The following CNTN4 variants were observed in gnomAD, a reference collection of about 807,000 sequenced individuals.
The protein encoded by CNTN4 is contactin 4, also known as contactin-4.
In CNTN4, 77 loss-of-function variants were observed where a neutral mutation model predicts 122.5. The ratio of observed to expected loss-of-function variants is 0.63; its 90% CI spans 0.52 to 0.76. The LOEUF (loss-of-function observed/expected upper bound fraction) is 0.76. CNTN4 is among the 30% of genes least tolerant of loss of function. CNTN4 has a pLI of 0.00. For synonymous variants in CNTN4, 512 were observed against 447.0 expected (o/e 1.15, Z -1.83); for missense variants, 1,256 against 1,259.1 (o/e 1.00, Z 0.04).
intron 3 of CNTN4, among the ~76,000 whole-genome samples, chr3:2,440,540 A>G (rs1037594011): frequency 6.6e-6 from 1 of 152,134 alleles, no homozygotes; most frequent in Admixed American, 6.6e-5. Context: ...GTTGTGCTAA[A>G]GCTTCCAACT....
chr3:2,280,910 A>G (rs1403417998), intron 2 of CNTN4, among the ~76,000 whole-genome samples: 2 of 152,190 alleles, frequency 1.3e-5, no homozygotes, highest in Non-Finnish European at 2.9e-5. Context: ...TCAACCTCCA[A>G]CAGAGCCTTG....
At chr3:2,504,942 C>T (rs551084845) in intron 3 of CNTN4, among the ~76,000 whole-genome samples, 2 of 152,092 alleles carry the variant, frequency 1.3e-5, no homozygotes, top group African/African-American at 2.4e-5. Flanking sequence ...ACTGTGTGAT[C>T]CTTGATTAGA....
chr3:2,373,958 G>T (rs2045726055), intron 3 of CNTN4, among the ~76,000 whole-genome samples: 2 of 152,056 alleles, frequency 1.3e-5, no homozygotes, highest in Non-Finnish European at 2.9e-5. Context: ...CATCTTTTTT[G>T]GGGGGTTCCT....
intron 3 of CNTN4, among the ~76,000 whole-genome samples, chr3:2,486,297 G>A (rs984796736): frequency 2.0e-5 from 3 of 152,238 alleles, no homozygotes; most frequent in South Asian, 4.1e-4. Context: ...CTCACCCACC[G>A]TAAGGGTCCG....
intron 3 of CNTN4, among the ~76,000 whole-genome samples, chr3:2,546,704 T>C (rs2078260698): frequency 6.6e-6 from 1 of 151,960 alleles, no homozygotes; most frequent in Admixed American, 6.6e-5. Context: ...AAGAGACAAA[T>C]ATCAGTTCAA....
At chr3:2,458,810 C>G (rs1377577462) in intron 3 of CNTN4, among the ~76,000 whole-genome samples, 3 of 152,124 alleles carry the variant, frequency 2.0e-5, no homozygotes, top group Admixed American at 6.6e-5. Flanking sequence ...CAGTGGAGCT[C>G]ATAAATTTCT....
At chr3:2,866,688 C>T in intron 7 of CNTN4, 64 bp from the exon 8 acceptor site, 1 of 1,457,406 alleles carries the variant, frequency 6.9e-7, no homozygotes, top group Non-Finnish European at 9.6e-7. Context: ...TCATTTCTTT[C>T]ATGAAAACAG....
At chr3:2,341,177 C>G (rs1465266206) in intron 3 of CNTN4, among the ~76,000 whole-genome samples, 2 of 152,100 alleles carry the variant, frequency 1.3e-5, no homozygotes, top group African/African-American at 4.8e-5. Flanking sequence ...AAATGTATTT[C>G]CTTTATGAAT....
At chr3:2,697,498 G>T (rs887534472) in intron 4 of CNTN4, among the ~76,000 whole-genome samples, 1 of 152,150 alleles carries the variant, frequency 6.6e-6, no homozygotes, top group African/African-American at 2.4e-5. Flanking sequence ...TACCATGTTT[G>T]TGGTGGCAGA....
At chr3:2,838,817 C>T (rs1189907843) in intron 7 of CNTN4, among the ~76,000 whole-genome samples, 1 of 152,188 alleles carries the variant, frequency 6.6e-6, no homozygotes, top group African/African-American at 2.4e-5. Context: ...ATGACTTTCT[C>T]CATTAATAAT....
chr3:2,238,648 G>A (rs2039775848), intron 2 of CNTN4, among the ~76,000 whole-genome samples: 1 of 149,820 alleles, frequency 6.7e-6, no homozygotes, highest in African/African-American at 2.4e-5. Flanking sequence ...AAATCCGAAT[G>A]TTGCCAAACT....
chr3:2,627,363 A>G (rs1053853567), intron 4 of CNTN4, among the ~76,000 whole-genome samples: 2 of 152,088 alleles, frequency 1.3e-5, no homozygotes, highest in Non-Finnish European at 1.5e-5. Context: ...ATCTGATTTC[A>G]TGAAGCTGCC....
intron 2 of CNTN4, among the ~76,000 whole-genome samples, chr3:2,166,261 A>G (rs2036190028): frequency 6.6e-6 from 1 of 152,136 alleles, no homozygotes; most frequent in African/African-American, 2.4e-5. Flanking sequence ...AATCAAAACC[A>G]CAATGAAATC....
At chr3:2,813,486 T>A (rs2092659849) in intron 6 of CNTN4, among the ~76,000 whole-genome samples, 1 of 152,164 alleles carries the variant, frequency 6.6e-6, no homozygotes, top group Non-Finnish European at 1.5e-5. Flanking sequence ...CCTTTTTTTC[T>A]TTTCTCCCTT....
At chr3:2,932,800 C>CTTTATTTATTTA (rs71058655) in intron 13 of CNTN4, among the ~76,000 whole-genome samples, 3,367 of 148,920 alleles carry the variant, frequency 0.023, 50 homozygotes, top group Middle Eastern at 0.031. Flanking sequence ...TGCTTACAGT[C>CTTTATTTATTTA]TTTATTTATT....
chr3:2,555,116 C>G (rs575490558), intron 3 of CNTN4, among the ~76,000 whole-genome samples: 56 of 152,308 alleles, frequency 3.7e-4, no homozygotes, highest in Non-Finnish European at 2.1e-4. Flanking sequence ...AGTTTCCAAA[C>G]TGATCATTTG....
intron 4 of CNTN4, among the ~76,000 whole-genome samples, chr3:2,683,687 A>G (rs1348226183): frequency 6.6e-5 from 10 of 152,202 alleles, no homozygotes; most frequent in Admixed American, 6.5e-4. Context: ...CAGTAAGGTA[A>G]TAAGTCTTTT....
intron 10 of CNTN4, among the ~76,000 whole-genome samples, chr3:2,890,141 T>C (rs2094022225): frequency 6.6e-6 from 1 of 152,214 alleles, no homozygotes; most frequent in Non-Finnish European, 1.5e-5. Flanking sequence ...ACTTGGCTAT[T>C]GCATTTATGT....
At chr3:2,679,313 G>A (rs1000747976) in intron 4 of CNTN4, among the ~76,000 whole-genome samples, 3 of 152,136 alleles carry the variant, frequency 2.0e-5, no homozygotes, top group Admixed American at 2.0e-4. Context: ...TCTTGACTGA[G>A]GGGGAGTAGG....
Sources: allele counts gnomAD v4.1 joint callset (sites outside exome capture counted in the v4.1 genomes callset), GRCh38; gene constraint gnomAD v4.1.1; transcripts MANE v1.5; gene names NCBI Gene and HGNC (gene_info 2026-07-23, HGNC 2026-07-21).